SUPT3H: variants seen among roughly 807,000 people sequenced by gnomAD.
SUPT3H encodes the protein transcription initiation protein SPT3 homolog.
SUPT3H carries 44 observed loss-of-function variants against 44.3 expected under a neutral mutation model. The observed-to-expected ratio is 0.99, with a 90% CI of 0.78 to 1.28. The LOEUF (loss-of-function observed/expected upper bound fraction) is 1.28. Among genes scored for constraint, SUPT3H ranks in the 50% most tolerant of loss-of-function variants. SUPT3H has a pLI of 0.00. For synonymous variants in SUPT3H, 124 were observed against 125.6 expected (o/e 0.99, Z 0.09); for missense variants, 380 against 387.1 (o/e 0.98, Z 0.15).
At chr6:45,297,680 C>T (rs1781508790) in intron 2 of SUPT3H, among the ~76,000 whole-genome samples, 1 of 152,158 alleles carries the variant, frequency 6.6e-6, no homozygotes, top group Non-Finnish European at 1.5e-5. Context: ...CACAATGTTA[C>T]ACACATGTTC....
At chr6:45,015,209 A>G (rs1174471728) in intron 4 of SUPT3H, among the ~76,000 whole-genome samples, 1 of 152,146 alleles carries the variant, frequency 6.6e-6, no homozygotes, top group Non-Finnish European at 1.5e-5. Context: ...CACTGAATAC[A>G]CTTACACAAA....
At chr6:44,864,603 C>T (rs940682389) in intron 10 of SUPT3H, among the ~76,000 whole-genome samples, 1 of 152,240 alleles carries the variant, frequency 6.6e-6, no homozygotes, top group Admixed American at 6.5e-5. Flanking sequence ...CACCACGTGG[C>T]AGCTGCCAAG....
chr6:45,101,163 C>T (rs1469391503), intron 3 of SUPT3H, among the ~76,000 whole-genome samples: 3 of 152,234 alleles, frequency 2.0e-5, no homozygotes, highest in Admixed American at 6.5e-5. Flanking sequence ...CGGAGGCTCA[C>T]GCCTGTAATC....
chr6:45,307,365 C>T (rs1329372560), intron 2 of SUPT3H, among the ~76,000 whole-genome samples: 1 of 152,186 alleles, frequency 6.6e-6, no homozygotes, highest in African/African-American at 2.4e-5. Flanking sequence ...GGGAGGCACC[C>T]CCCAGTAGGG....
chr6:44,815,355 A>T (rs1463821808), intron 11 of SUPT3H, among the ~76,000 whole-genome samples: 4 of 152,248 alleles, frequency 2.6e-5, no homozygotes, highest in Admixed American at 2.0e-4. Flanking sequence ...ATGTAACCAT[A>T]TCAATCATTA....
intron 2 of SUPT3H, among the ~76,000 whole-genome samples, chr6:45,117,819 A>G (rs910919611): frequency 2.0e-5 from 3 of 152,124 alleles, no homozygotes; most frequent in Non-Finnish European, 4.4e-5. Context: ...TTCTTCACAA[A>G]GGGCTTTCGC....
At chr6:44,826,287 C>T (rs925368147), downstream of SUPT3H, among the ~76,000 whole-genome samples, 1 of 152,180 alleles carries the variant, frequency 6.6e-6, no homozygotes, top group African/African-American at 2.4e-5. Flanking sequence ...TGCTAGAGTT[C>T]CCTGCTCTCT....
intron 3 of SUPT3H, among the ~76,000 whole-genome samples, chr6:45,085,935 T>C (rs11966936): frequency 0.36 from 54,015 of 151,896 alleles, 10,437 homozygotes; most frequent in Non-Finnish European, 0.43. Flanking sequence ...ATAACTATTA[T>C]TTAAAACAAC....
chr6:44,847,907 A>G, intron 10 of SUPT3H, among the ~76,000 whole-genome samples: 1 of 142,990 alleles, frequency 7.0e-6, no homozygotes. Context: ...AATTTTCTTT[A>G]CCATTCATTA....
intron 2 of SUPT3H, among the ~76,000 whole-genome samples, chr6:45,189,057 C>CT (rs1181375568): frequency 2.6e-5 from 4 of 152,040 alleles, no homozygotes; most frequent in Admixed American, 2.6e-4. Flanking sequence ...CTGCATTGGC[C>CT]TCCCAAAGTG....
In SUPT3H at chr6:45,373,701, C is replaced by A. The variant is rs1796404753; in HGVS notation, c.-1+4067G>T. On this transcript the variant is annotated intron_variant, in intron 1 of 10. Coordinates refer to ENST00000371459, the MANE Select transcript of SUPT3H (RefSeq NM_003599.4). ...GAGTACCTGGGACTACAGGCATGCA[C>A]CACCATGCCCGGCTAATTTTTTTGT... is the stretch of plus-strand genomic sequence containing the variant. 2.6e-5 allele frequency among the ~76,000 whole-genome samples: 4 copies of A among 152,138 alleles called. No homozygotes were observed. The South Asian group carries it at 8.3e-4, about 31-fold the overall frequency.
intron 3 of SUPT3H, among the ~76,000 whole-genome samples, chr6:45,027,767 T>C (rs150749413): frequency 1.1e-4 from 17 of 152,326 alleles, no homozygotes; most frequent in Middle Eastern, 3.4e-3. Context: ...AAAATGTGTT[T>C]ATGTCATCCT....
chr6:45,178,994 CAATT>C (rs1812576917), intron 2 of SUPT3H, among the ~76,000 whole-genome samples: 1 of 151,798 alleles, frequency 6.6e-6, no homozygotes, highest in Admixed American at 6.6e-5. Context: ...CCTAACATCA[CAATT>C]AAAAGAGAGA....
At chr6:45,072,481 A>G (rs186428760) in intron 3 of SUPT3H, among the ~76,000 whole-genome samples, 3 of 152,294 alleles carry the variant, frequency 2.0e-5, no homozygotes, top group East Asian at 3.9e-4. Context: ...ATATTTTATA[A>G]AAGTGGTGAA....
intron 2 of SUPT3H, among the ~76,000 whole-genome samples, chr6:45,275,910 CCCT>C (rs1776937061): frequency 6.6e-6 from 1 of 151,980 alleles, no homozygotes; most frequent in Admixed American, 6.6e-5. Flanking sequence ...TGAAAAGTCT[CCCT>C]CCTATTATTG....
intron 3 of SUPT3H, among the ~76,000 whole-genome samples, chr6:45,076,398 T>C (rs190504310): frequency 1.3e-5 from 2 of 152,174 alleles, no homozygotes; most frequent in Non-Finnish European, 2.9e-5. Context: ...AAAGTTAACT[T>C]CCAGAAGACA....
intron 2 of SUPT3H, among the ~76,000 whole-genome samples, chr6:45,324,206 T>C (rs950618193): frequency 2.7e-5 from 4 of 148,346 alleles, no homozygotes; most frequent in African/African-American, 1.0e-4. Flanking sequence ...TAAACAAGTA[T>C]GGATCACTCT....
intron 10 of SUPT3H, among the ~76,000 whole-genome samples, chr6:44,887,023 GC>G (rs1233476372): frequency 6.6e-6 from 1 of 152,076 alleles, no homozygotes; most frequent in African/African-American, 2.4e-5. Context: ...GACAAAGAAG[GC>G]CATTACATAA....
intron 10 of SUPT3H, among the ~76,000 whole-genome samples, chr6:44,929,393 G>C (rs1303203238): frequency 2.0e-5 from 3 of 152,004 alleles, no homozygotes; most frequent in Non-Finnish European, 1.5e-5. Context: ...TATACACATT[G>C]TTATGGGTAT....
Sources: gnomAD v4.1 joint callset for allele counts (sites outside exome capture counted in the v4.1 genomes callset) on GRCh38, gnomAD v4.1.1 for gene constraint, MANE v1.5 for transcripts, NCBI Gene and HGNC (gene_info 2026-07-23, HGNC 2026-07-21) for gene names.